IL1RAPL2: variants seen among roughly 807,000 people sequenced by gnomAD.
IL1RAPL2 encodes interleukin 1 receptor accessory protein like 2.
Under a neutral mutation model 44.1 loss-of-function variants are expected in IL1RAPL2, and 3 were observed. The observed-to-expected ratio is 0.07, with a 90% CI of 0.03 to 0.18. The LOEUF is 0.18. Ranked by LOEUF, IL1RAPL2 falls within the 10% of genes least tolerant of loss-of-function variation. The pLI is 1.00. For synonymous variants in IL1RAPL2, 181 were observed against 178.8 expected (o/e 1.01, Z -0.10); for missense variants, 391 against 496.4 (o/e 0.79, Z 2.02).
chrX:105,570,386 T>C (rs2037006005), intron 6 of IL1RAPL2, among the ~76,000 whole-genome samples: 1 of 112,308 alleles, frequency 8.9e-6, no homozygotes, highest in Non-Finnish European at 1.9e-5. Flanking sequence ...TTTACATTTG[T>C]GAATTGTGCT....
chrX:105,726,923 T>C (rs1000786452), intron 7 of IL1RAPL2, among the ~76,000 whole-genome samples: 1 of 111,239 alleles, frequency 9.0e-6, no homozygotes, highest in Non-Finnish European at 1.9e-5. Flanking sequence ...ATTGAGCCAA[T>C]AAATCTGATT....
chrX:105,314,410 A>G (rs184099546), intron 5 of IL1RAPL2, among the ~76,000 whole-genome samples: 50 of 111,373 alleles, frequency 4.5e-4, no homozygotes, highest in Middle Eastern at 4.6e-3. Flanking sequence ...CTTTCTTTGT[A>G]TGTATCAACA....
chrX:104,748,727 A>G (rs897205795), intron 2 of IL1RAPL2, among the ~76,000 whole-genome samples: 6 of 111,545 alleles, frequency 5.4e-5, no homozygotes, highest in African/African-American at 2.0e-4. Flanking sequence ...AGTAGATCCT[A>G]TAATCTTTAG....
intron 6 of IL1RAPL2, among the ~76,000 whole-genome samples, chrX:105,685,811 A>T (rs1426995329): frequency 8.9e-6 from 1 of 111,890 alleles, no homozygotes; most frequent in African/African-American, 3.3e-5. Context: ...AGGAAGGTCG[A>T]GTTAGCCACA....
At chrX:104,784,070 C>T (rs1602725859) in intron 2 of IL1RAPL2, among the ~76,000 whole-genome samples, 1 of 111,674 alleles carries the variant, frequency 9.0e-6, no homozygotes, top group East Asian at 2.8e-4. Context: ...GGAACCTTGC[C>T]TAATATAATC....
rs1355860873 is a variant in IL1RAPL2, at chrX:105,596,923, A to G, written c.772+112536A>G. Among the ~76,000 whole-genome samples, 3 of 111,953 alleles carry G rather than the reference A, an allele frequency of 2.7e-5. No homozygotes were observed. The Admixed American group carries it at 2.9e-4, about 11-fold the overall frequency. On this transcript the variant is annotated intron_variant, in intron 6 of 10. Coordinates refer to ENST00000372582, the MANE Select transcript of IL1RAPL2 (RefSeq NM_017416.2). ...ATTGATCTTGGCAATGATTTTTTGGATAGGACACCAAAAGCACAGGCAATA... is the reference window on the plus strand; with the variant it reads ...ATTGATCTTGGCAATGATTTTTTGGGTAGGACACCAAAAGCACAGGCAATA...
intron 2 of IL1RAPL2, among the ~76,000 whole-genome samples, chrX:104,871,315 C>A (rs949843483): frequency 2.7e-5 from 3 of 111,286 alleles, no homozygotes; most frequent in Non-Finnish European, 5.7e-5. Context: ...TAGAAAGAAA[C>A]CTGCAGAAAG....
intron 6 of IL1RAPL2, among the ~76,000 whole-genome samples, chrX:105,573,931 G>A (rs1049554195): frequency 1.8e-5 from 2 of 111,506 alleles, no homozygotes; most frequent in Admixed American, 9.6e-5. Context: ...GCAAGGATGA[G>A]CACAGGAGGA....
chrX:105,342,842 T>G (rs2035081910), intron 5 of IL1RAPL2, among the ~76,000 whole-genome samples: 1 of 111,818 alleles, frequency 8.9e-6, no homozygotes, highest in Non-Finnish European at 1.9e-5. Flanking sequence ...AACTTGTAAG[T>G]CAGGAGGCCC....
chrX:105,548,080 A>G (rs1233005568), intron 6 of IL1RAPL2, among the ~76,000 whole-genome samples: 1 of 111,661 alleles, frequency 9.0e-6, no homozygotes, highest in Non-Finnish European at 1.9e-5. Context: ...TTTTCATCCA[A>G]GCACACAGCT....
chrX:105,037,071 A>G (rs1230967797), intron 2 of IL1RAPL2, among the ~76,000 whole-genome samples: 1 of 111,925 alleles, frequency 8.9e-6, no homozygotes, highest in Non-Finnish European at 1.9e-5. Context: ...GCAGACATAA[A>G]TTTTTTGAGA....
intron 5 of IL1RAPL2, among the ~76,000 whole-genome samples, chrX:105,309,484 C>T (rs1252502710): frequency 9.2e-6 from 1 of 109,099 alleles, no homozygotes; most frequent in African/African-American, 3.3e-5. Flanking sequence ...GTAATTCCAG[C>T]ACTTTGGGAG....
chrX:104,990,418 G>GT (rs58912564), intron 2 of IL1RAPL2, among the ~76,000 whole-genome samples: 44,784 of 107,800 alleles, frequency 0.42, 7,055 homozygotes, highest in East Asian at 0.45. Flanking sequence ...GGAGGTGTAT[G>GT]TTTTTTTTTA....
intron 6 of IL1RAPL2, among the ~76,000 whole-genome samples, chrX:105,489,264 C>T (rs1044719175): frequency 8.1e-5 from 9 of 110,633 alleles, no homozygotes; most frequent in Non-Finnish European, 1.7e-4. Flanking sequence ...GCTTTAAATT[C>T]GAGAAATAAA....
chrX:105,396,328 T>G (rs774350081), intron 5 of IL1RAPL2, among the ~76,000 whole-genome samples: 19 of 106,743 alleles, frequency 1.8e-4, no homozygotes, highest in African/African-American at 6.4e-4. Flanking sequence ...TCCTTCCTTT[T>G]TTTAATAAAG....
At chrX:105,442,014 G>T (rs5962522) in intron 5 of IL1RAPL2, among the ~76,000 whole-genome samples, 4 of 109,928 alleles carry the variant, frequency 3.6e-5, no homozygotes, top group South Asian at 7.8e-4. Flanking sequence ...CTACAAAAAG[G>T]CTCATTATTA....
chrX:105,397,771 T>C (rs2035574892), intron 5 of IL1RAPL2, among the ~76,000 whole-genome samples: 1 of 111,661 alleles, frequency 9.0e-6, no homozygotes, highest in Non-Finnish European at 1.9e-5. Context: ...CTCAAATGAA[T>C]AGACACAGTC....
chrX:105,110,718 C>G (rs1479571687), intron 2 of IL1RAPL2, among the ~76,000 whole-genome samples: 2 of 111,122 alleles, frequency 1.8e-5, no homozygotes, highest in Non-Finnish European at 3.8e-5. Flanking sequence ...GGTGGGCGGG[C>G]ACGAGGTCAG....
Position 105,419,880 on chromosome X carries a change from A to T in IL1RAPL2, c.698-64433A>T, listed in dbSNP as rs531202878. ...TGTCAGTCTTTTTTTGTAGACTGTA[A>T]ATTGAATAATACAAAATGTTATCTG... On this transcript the variant is annotated intron_variant, in intron 5 of 10. Transcript: ENST00000372582. 1.0e-3 allele frequency among the ~76,000 whole-genome samples: 113 copies of T among 111,880 alleles called. No homozygotes were observed. In the Admixed American group the frequency reaches 0.011, roughly 11 times the overall value.
Sources: allele counts gnomAD v4.1 joint callset (sites outside exome capture counted in the v4.1 genomes callset), GRCh38; gene constraint gnomAD v4.1.1; transcripts MANE v1.5; gene names NCBI Gene and HGNC (gene_info 2026-07-23, HGNC 2026-07-21).